The following PDYN variants were observed in gnomAD, a reference collection of about 807,000 sequenced individuals.
The protein encoded by PDYN is proenkephalin-B.
A neutral mutation model predicts 11.4 loss-of-function variants in PDYN; 5 were observed. That is an observed-to-expected ratio of 0.44 (90% CI 0.23 to 0.92). PDYN has a LOEUF of 0.92. Among genes scored for constraint, PDYN ranks in the 40% least tolerant of loss-of-function variants. The pLI is 0.24. For synonymous variants in PDYN, 132 were observed against 129.5 expected, an observed-to-expected ratio of 1.02 and a Z score of -0.13; for missense variants, 337 against 317.3, an observed-to-expected ratio of 1.06 and a Z score of -0.47.
At chr20:1,992,054 T>A (rs944390211) in intron 2 of PDYN, among the ~76,000 whole-genome samples, 2 of 152,162 alleles carry the variant, frequency 1.3e-5, no homozygotes, top group East Asian at 1.9e-4. Flanking sequence ...ATCTGAGCAG[T>A]CATGCCAGTA....
intron 2 of PDYN, among the ~76,000 whole-genome samples, chr20:1,991,520 T>C (rs866270077): frequency 8.5e-5 from 13 of 152,334 alleles, no homozygotes; most frequent in Admixed American, 2.0e-4. Flanking sequence ...TTCGAGGGTC[T>C]GATCCTGGGG....
chr20:1,989,164 A>C (rs755821040), intron 2 of PDYN, among the ~76,000 whole-genome samples: 1 of 152,204 alleles, frequency 6.6e-6, no homozygotes, highest in Admixed American at 6.5e-5. Flanking sequence ...TTAAATAATA[A>C]AACATTTTTT....
In PDYN at chr20:1,980,398, G is replaced by A; in HGVS notation, c.690C>T (p.Leu230=). ...WDNQKRYGGF[L]RRQFKVVTRS... Reference sequence around the variant, plus strand: ...GAGTCACCACCTTGAACTGGCGCCGGAGAAAACCGCCATAGCGCTTCTGGT... The same window carrying A: ...GAGTCACCACCTTGAACTGGCGCCGAAGAAAACCGCCATAGCGCTTCTGGT... Residue 230 remains leucine, a synonymous_variant, in exon 4 of 4, where the codon CTC becomes CTT. Coordinates refer to ENST00000217305, the MANE Select transcript of PDYN (RefSeq NM_024411.5). 6.2e-7 allele frequency: 1 copy of A among 1,614,132 alleles called. No individual in the cohort carries two copies. The highest frequency in any genetic ancestry group is 1.6e-4 in the Middle Eastern group (1 of 6,062).
Position 1,980,454 on chromosome 20 carries a change from G to A in PDYN, c.634C>T (p.Arg212Trp), listed in dbSNP as rs201486601. 30 of 1,614,150 alleles carry A rather than the reference G, an allele frequency of 1.9e-5. No individual in the cohort carries two copies. The highest frequency in any genetic ancestry group is 8.8e-5 in the South Asian group (8 of 91,078). Reference protein sequence around the residue: ...DLYKRYGGFLRRIRPKLKWDN... With the variant: ...DLYKRYGGFLWRIRPKLKWDN... ...CACTTGAGCTTGGGACGAATGCGCC[G>A]CAAGAAGCCCCCATAGCGTTTGTAC... Residue 212 changes from arginine (R) to tryptophan (W), a missense_variant, in exon 4 of 4, where the codon CGG (arginine) becomes TGG (tryptophan). Physicochemically the swap from Arg to Trp is moderately radical, Grantham distance 101 (BLOSUM62 -3). Coordinates refer to ENST00000217305, the MANE Select transcript of PDYN (RefSeq NM_024411.5).
chr20:1,980,910 C>T lies in PDYN; in HGVS notation c.178G>A (p.Glu60Lys), dbSNP rs1393045758. 1 of 1,614,214 alleles carries T rather than the reference C, an allele frequency of 6.2e-7. No homozygotes were observed. Among genetic ancestry groups the T allele is most frequent in the Non-Finnish European group, 8.5e-7 (1 of 1,180,034 alleles). The change falls in exon 4 of 4, where the codon GAG becomes AAG. Residue 60 changes from glutamate (E) to lysine (K), a missense_variant. Coordinates refer to ENST00000217305, the MANE Select transcript of PDYN (RefSeq NM_024411.5). ...QAALLPSEEWERCQSFLSFFT... is the reference protein window; with the variant it reads ...QAALLPSEEWKRCQSFLSFFT... The stretch of plus-strand genomic sequence containing the variant: ...AAAGACAGAAAGCTCTGGCATCTCT[C>T]CCATTCCTCAGAGGGCAGCAGGGCA...
chr20:1,986,348 A>G (rs940230310), intron 2 of PDYN, among the ~76,000 whole-genome samples: 1 of 152,164 alleles, frequency 6.6e-6, no homozygotes, highest in African/African-American at 2.4e-5. Context: ...TCCAGCCTCC[A>G]GCTTCTCCCT....
rs772841725 is a variant in PDYN, at chr20:1,980,342, C to T, written c.746G>A (p.Gly249Glu). Reference protein sequence around the residue: ...RSQEDPNAYSGELFDA With the variant: ...RSQEDPNAYSEELFDA ...AGGTGCTTATGCATCAAAAAGCTCT[C>T]CAGAGTAAGCATTCGGATCTTCCTG... is the stretch of plus-strand genomic sequence containing the variant. The change falls in exon 4 of 4, where the codon GGA becomes GAA. Residue 249 changes from glycine (G) to glutamate (E), a missense_variant. Gly to Glu is a moderately conservative substitution (Grantham distance 98). Transcript: ENST00000217305. 3 of 1,614,110 alleles carry T rather than the reference C, an allele frequency of 1.9e-6. No homozygotes were observed. Among genetic ancestry groups the T allele is most frequent in the South Asian group, 1.1e-5 (1 of 91,078 alleles).
chr20:1,983,000 A>G lies in PDYN; in HGVS notation c.85T>C (p.Cys29Arg). 1 of 1,614,088 alleles carries G rather than the reference A, an allele frequency of 6.2e-7. No individual in the cohort carries two copies. The highest frequency in any genetic ancestry group is 8.5e-7 in the Non-Finnish European group (1 of 1,179,960). The change falls in exon 3 of 4, where the codon TGT (cysteine) becomes CGT (arginine). Residue 29 changes from cysteine to arginine, a missense_variant. Coordinates refer to ENST00000217305, the MANE Select transcript of PDYN (RefSeq NM_024411.5). ...GGACCATCCTGGGTCTTTACAGCAC[A>G]CAAGGAGCACCGCGACAGGCAGTCC... ...TADCLSRCSL[C>R]AVKTQDGPKP...
chr20:1,983,749 A>G (rs1191639737), intron 2 of PDYN, among the ~76,000 whole-genome samples: 1 of 152,104 alleles, frequency 6.6e-6, no homozygotes, highest in Admixed American at 6.5e-5. Context: ...TCTTGGCAAT[A>G]TCAATTCTGT....
In PDYN at chr20:1,980,282, G is replaced by GT. The variant is rs754255741; in HGVS notation, c.*40dup. ...TGAATGCACTCCAACCTGAAAAGGT[G>GT]TCAGGGGTTTCTCCTGACTCTACTC... On this transcript the variant is annotated 3_prime_UTR_variant, in exon 4 of 4. Coordinates refer to ENST00000217305, the MANE Select transcript of PDYN (RefSeq NM_024411.5). 3.1e-6 allele frequency: 5 copies of GT among 1,603,110 alleles called. No individual in the cohort carries two copies. Among genetic ancestry groups the GT allele is most frequent in the Non-Finnish European group, 4.3e-6 (5 of 1,170,356 alleles).
intron 2 of PDYN, among the ~76,000 whole-genome samples, chr20:1,986,360 C>T (rs912749767): frequency 6.6e-6 from 1 of 152,196 alleles, no homozygotes; most frequent in African/African-American, 2.4e-5. Flanking sequence ...CTTCTCCCTC[C>T]AGGTGGACCC....
At chr20:1,989,587 A>G (rs1030484537) in intron 2 of PDYN, among the ~76,000 whole-genome samples, 2 of 152,222 alleles carry the variant, frequency 1.3e-5, no homozygotes, top group Non-Finnish European at 2.9e-5. Context: ...CTGAGGGCTC[A>G]GAGGAGCCGC....
rs76243088 is a variant in PDYN at position 1,980,396 on chromosome 20, C to T, written c.692G>A (p.Arg231Gln). The change falls in exon 4 of 4, where the codon CGG (arginine) becomes CAG (glutamine). Residue 231 changes from arginine (R) to glutamine (Q), a missense_variant. Physicochemically the swap from Arg to Gln is conservative, Grantham distance 43. Coordinates refer to ENST00000217305, the MANE Select transcript of PDYN (RefSeq NM_024411.5). ...CCGAGTCACCACCTTGAACTGGCGCCGGAGAAAACCGCCATAGCGCTTCTG... is the reference window on the plus strand; with the variant it reads ...CCGAGTCACCACCTTGAACTGGCGCTGGAGAAAACCGCCATAGCGCTTCTG... Reference protein sequence around the residue: ...DNQKRYGGFLRRQFKVVTRSQ... With the variant: ...DNQKRYGGFLQRQFKVVTRSQ... The T allele has an allele frequency of 2.2e-5, 36 of 1,614,020 alleles. No homozygotes were observed. Among genetic ancestry groups the T allele is most frequent in the Non-Finnish European group, 2.7e-5 (32 of 1,180,042 alleles).
chr20:1,983,943 G>A (rs139416809), intron 2 of PDYN, among the ~76,000 whole-genome samples: 217 of 152,136 alleles, frequency 1.4e-3, no homozygotes, highest in Middle Eastern at 3.4e-3. Context: ...TGTTCCCTCC[G>A]CCTGGAGAAC....
At chr20:1,983,362 T>C (rs1293336383) in intron 2 of PDYN, among the ~76,000 whole-genome samples, 1 of 152,204 alleles carries the variant, frequency 6.6e-6, no homozygotes, top group Non-Finnish European at 1.5e-5. Context: ...AGTTCTTCAA[T>C]GTGGGCTGTG....
At chr20:1,988,260 T>C (rs1236352038) in intron 2 of PDYN, among the ~76,000 whole-genome samples, 1 of 152,234 alleles carries the variant, frequency 6.6e-6, no homozygotes, top group Non-Finnish European at 1.5e-5. Flanking sequence ...CAAGTTCACC[T>C]GGAGTTATGA....
chr20:1,994,194 A>ATAGGG (rs1988568456), upstream of PDYN: 1 of 153,636 alleles, frequency 6.5e-6, no homozygotes, highest in African/African-American at 2.4e-5. Flanking sequence ...AGGCCCTTCA[A>ATAGGG]CTCGAACTCC....
intron 2 of PDYN, among the ~76,000 whole-genome samples, chr20:1,989,529 T>C (rs1988339525): frequency 6.6e-6 from 1 of 152,210 alleles, no homozygotes; most frequent in Admixed American, 6.5e-5. Flanking sequence ...AAGGGAATGA[T>C]CTTTTTGACG....
In PDYN at chr20:1,983,060, C is replaced by A; in HGVS notation, c.25G>T (p.Ala9Ser). 1 of 1,613,292 alleles carries A rather than the reference C, an allele frequency of 6.2e-7. No individual in the cohort carries two copies. The highest frequency in any genetic ancestry group is 1.7e-5 in the Admixed American group (1 of 60,022). ...GAGGGGAACATGAGGAGGCAGGCAG[C>A]CAGGACCAGCCCCTGCCAGGCCATC... MAWQGLVL[A>S]ACLLMFPSTT... The change falls in exon 3 of 4, where the codon GCT (alanine) becomes TCT (serine). Residue 9 changes from alanine (A) to serine (S), a missense_variant. Physicochemically the swap from Ala to Ser is moderately conservative, Grantham distance 99. Transcript: ENST00000217305.
Sources: gnomAD v4.1 joint callset for allele counts (sites outside exome capture counted in the v4.1 genomes callset) on GRCh38, gnomAD v4.1.1 for gene constraint, MANE v1.5 for transcripts, NCBI Gene and HGNC (gene_info 2026-07-23, HGNC 2026-07-21) for gene names.